Variants in JRK observed in about 807,000 individuals in gnomAD.
The protein encoded by JRK is Jrk helix-turn-helix protein, also known as jerky protein homolog.
For missense variants in JRK, 720 were observed against 509.2 expected (o/e 1.41, Z -3.98); for synonymous variants, 303 against 218.1 (o/e 1.39, Z -3.43).
In JRK at chr8:142,666,445, T is replaced by A; in HGVS notation, c.-387A>T. On this transcript the variant is annotated 5_prime_UTR_variant, in exon 2 of 2. Coordinates refer to ENST00000612905, the MANE Select transcript of JRK (RefSeq NM_003724.4). ...CTCAAACTGACCAGGTTTGGGGTGGTAGAGGTTTTACCGCATAAGCAGCAG... is the reference window on the plus strand; with the variant it reads ...CTCAAACTGACCAGGTTTGGGGTGGAAGAGGTTTTACCGCATAAGCAGCAG... 2.8e-6 allele frequency: 1 copy of A among 357,456 alleles called. No homozygotes were observed. The highest frequency in any genetic ancestry group is 5.6e-6 in the Non-Finnish European group (1 of 178,010). The allele number at this position is 357,456 out of a possible 1,614,324, so 22.1% of individuals were successfully genotyped here.
chr8:142,648,833 C>T, the JRK span, among the ~76,000 whole-genome samples: 1 of 152,188 alleles, frequency 6.6e-6, no homozygotes, highest in African/African-American at 2.4e-5. Context: ...CCTGGAAAAG[C>T]CACAGACACT....
At position 142,665,821 on chromosome 8, in the gene JRK, T is replaced by A. The variant is rs1847105639; in HGVS notation, c.238A>T (p.Thr80Ser). ...TGCTCCAGCTTGGGCGTGTGCAGCG[T>A]GCGCCGCTGCTCCAGCGCCTTGTTG... ...DSNKALEQRR[T>S]LHTPKLEHLD... The change falls in exon 2 of 2, where the codon ACG (threonine) becomes TCG (serine). Residue 80 changes from threonine (T) to serine (S), a missense_variant. Thr to Ser is a moderately conservative substitution (Grantham distance 58, BLOSUM62 1). Transcript: ENST00000612905. The A allele has an allele frequency of 1.3e-6, 1 of 778,996 alleles. No individual in the cohort carries two copies. Among genetic ancestry groups the A allele is most frequent in the Non-Finnish European group, 2.4e-6 (1 of 417,788 alleles). 48.3% of individuals were successfully genotyped at this position (778,996 alleles called of 1,614,324 possible). A position where few individuals can be genotyped will look rare whatever the true frequency, so the allele number is the denominator to read the frequency against.
At position 142,665,899 on chromosome 8, in the gene JRK, C is replaced by T. The variant is rs932028541; in HGVS notation, c.160G>A (p.Asp54Asn). The change falls in exon 2 of 2, where the codon GAC becomes AAC. Residue 54 changes from aspartate to asparagine, a missense_variant. Physicochemically the swap from Asp to Asn is conservative, Grantham distance 23. Transcript: ENST00000612905. ...AGCTGCGCCTTGTGGGCCCTGATGT[C>T]GTAGAGGGTGGACATGCCCACATTG... ...EYNVGMSTLY[D>N]IRAHKAQLLR... 8.9e-6 allele frequency: 7 copies of T among 789,512 alleles called. No individual in the cohort carries two copies. In the Admixed American group the frequency reaches 1.0e-4, roughly 11 times the overall value. The allele number at this position is 789,512 out of a possible 1,614,324, so 48.9% of individuals were successfully genotyped here. A position where few individuals can be genotyped will look rare whatever the true frequency, so the allele number is the denominator to read the frequency against.
chr8:142,649,918 C>T, the JRK span, among the ~76,000 whole-genome samples: 2 of 152,228 alleles, frequency 1.3e-5, no homozygotes, highest in African/African-American at 4.8e-5. Context: ...CAGCTTGCAC[C>T]GTGTGCCTGG....
At position 142,660,104 on chromosome 8, in the gene JRK, G is replaced by C; in HGVS notation, c.*4248C>G. On this transcript the variant is annotated 3_prime_UTR_variant, in exon 2 of 2. Coordinates refer to ENST00000612905, the MANE Select transcript of JRK (RefSeq NM_003724.4). ...ACAGCCAGGCCTGGGGTCTACAAGA[G>C]CTGGGCAGGGAAGAGGACAAACAAG... 1 of 985,632 alleles carries C rather than the reference G, an allele frequency of 1.0e-6. No individual in the cohort carries two copies. Among genetic ancestry groups the C allele is most frequent in the Non-Finnish European group, 1.2e-6 (1 of 830,056 alleles). The allele number at this position is 985,632 out of a possible 1,614,324, so 61.1% of individuals were successfully genotyped here. A position where few individuals can be genotyped will look rare whatever the true frequency, so the allele number is the denominator to read the frequency against.
chr8:142,651,770 T>G, the JRK span, among the ~76,000 whole-genome samples: 1 of 152,104 alleles, frequency 6.6e-6, no homozygotes, highest in African/African-American at 2.4e-5. Flanking sequence ...TAAGCAGAAA[T>G]TAAGACCAGC....
rs781865813 is a variant in JRK at position 142,665,837 on chromosome 8, C to T, written c.222G>A (p.Ala74=). The part of the protein sequence containing the change: ...RFFASSDSNK[A]LEQRRTLHTP... The stretch of plus-strand genomic sequence containing the variant: ...TGTGCAGCGTGCGCCGCTGCTCCAG[C>T]GCCTTGTTGGAGTCGGAGCTGGCGA... The change falls in exon 2 of 2, where the codon GCG becomes GCA. Residue 74 remains alanine, a synonymous_variant. Transcript: ENST00000612905. The T allele has an allele frequency of 9.0e-6, 7 of 779,356 alleles. No individual in the cohort carries two copies. Among genetic ancestry groups the T allele is most frequent in the East Asian group, 2.4e-5 (1 of 41,236 alleles). 48.3% of individuals were successfully genotyped at this position (779,356 alleles called of 1,614,324 possible).
At position 142,662,626 on chromosome 8, in the gene JRK, C is replaced by T; in HGVS notation, c.*1726G>A. 10 of 985,254 alleles carry T rather than the reference C, an allele frequency of 1.0e-5. No homozygotes were observed. The highest frequency in any genetic ancestry group is 1.2e-5 in the Non-Finnish European group (10 of 829,904). 61.0% of individuals were successfully genotyped at this position (985,254 alleles called of 1,614,324 possible). ...TCACACATGCATTCAAAGCAAGAAA[C>T]ACACACTTCCAGGACATAGATAGGG... On this transcript the variant is annotated 3_prime_UTR_variant, in exon 2 of 2. Coordinates refer to ENST00000612905, the MANE Select transcript of JRK (RefSeq NM_003724.4).
downstream of JRK, among the ~76,000 whole-genome samples, chr8:142,656,238 A>G (rs1846748695): frequency 6.6e-6 from 1 of 152,010 alleles, no homozygotes; most frequent in South Asian, 2.1e-4. Context: ...ATCTCAGACT[A>G]TTTTCCTACT....
chr8:142,646,184 A>C, the JRK span, among the ~76,000 whole-genome samples: 1 of 152,216 alleles, frequency 6.6e-6, no homozygotes, highest in Non-Finnish European at 1.5e-5. Flanking sequence ...TCATCATTTA[A>C]AGTTACAGAA....
In JRK at chr8:142,662,274, G is replaced by C; in HGVS notation, c.*2078C>G. ...CAAGCCATGTCCAGAGGACTCAGGA[G>C]AGCCAGCCAGGAGCTCGGCCAGCTG... is the stretch of plus-strand genomic sequence containing the variant. On this transcript the variant is annotated 3_prime_UTR_variant, in exon 2 of 2. Coordinates refer to ENST00000612905, the MANE Select transcript of JRK (RefSeq NM_003724.4). 3 of 985,706 alleles carry C rather than the reference G, an allele frequency of 3.0e-6. No homozygotes were observed. The highest frequency in any genetic ancestry group is 3.6e-6 in the Non-Finnish European group (3 of 830,148). The allele number at this position is 985,706 out of a possible 1,614,324, so 61.1% of individuals were successfully genotyped here.
Position 142,662,034 on chromosome 8 carries a change from C to G in JRK, c.*2318G>C, listed in dbSNP as rs923207150. 1.2e-5 allele frequency: 12 copies of G among 985,322 alleles called. No homozygotes were observed. The highest frequency in any genetic ancestry group is 1.4e-5 in the Non-Finnish European group (12 of 830,004). The allele number at this position is 985,322 out of a possible 1,614,324, so 61.0% of individuals were successfully genotyped here. A position where few individuals can be genotyped will look rare whatever the true frequency, so the allele number is the denominator to read the frequency against. ...GAGGGGCTGCAGGAGGAGCAGGGCC[C>G]GAGTCCCCTGGGTGGCACAAGGGAT... On this transcript the variant is annotated 3_prime_UTR_variant, in exon 2 of 2. Transcript: ENST00000612905.
intron 1 of JRK, among the ~76,000 whole-genome samples, chr8:142,667,813 G>A (rs1034788734): frequency 4.6e-5 from 7 of 152,140 alleles, no homozygotes; most frequent in African/African-American, 1.4e-4. Flanking sequence ...GACAATGCGG[G>A]TCATTCTCAT....
rs4736362 is a variant in JRK at position 142,659,969 on chromosome 8, A to G, written c.*4383T>C. 650,785 of 985,282 alleles carry G rather than the reference A, an allele frequency of 0.66. 218,197 individuals are homozygous for G. The highest frequency in any genetic ancestry group is 0.69 in the Admixed American group (11,246 of 16,260). 61.0% of individuals were successfully genotyped at this position (985,282 alleles called of 1,614,324 possible). A position where few individuals can be genotyped will look rare whatever the true frequency, so the allele number is the denominator to read the frequency against. On this transcript the variant is annotated 3_prime_UTR_variant, in exon 2 of 2. Transcript: ENST00000612905. Reference sequence around the variant, plus strand: ...GGTCTGAGGGTCCATGTGTAGAAGCAGAGGCCAGAGCTGACACCACATGGG... The same window carrying G: ...GGTCTGAGGGTCCATGTGTAGAAGCGGAGGCCAGAGCTGACACCACATGGG...
the JRK span, among the ~76,000 whole-genome samples, chr8:142,644,360 A>G: frequency 6.6e-6 from 1 of 152,146 alleles, no homozygotes; most frequent in South Asian, 2.1e-4. Context: ...TATTACTGAT[A>G]ATGTACACTA....
rs1846846073 is a variant in JRK at position 142,659,498 on chromosome 8, C to T, written c.*4854G>A. On this transcript the variant is annotated 3_prime_UTR_variant, in exon 2 of 2. Coordinates refer to ENST00000612905, the MANE Select transcript of JRK (RefSeq NM_003724.4). ...AATGGCCGTGCTGACAGGCTCTCTG[C>T]GATAGGGCCCAGCCATGGCCAGTGG... The T allele has an allele frequency of 7.1e-6, 7 of 986,224 alleles. No homozygotes were observed. Among genetic ancestry groups the T allele is most frequent in the South Asian group, 9.4e-5 (2 of 21,332 alleles). 61.1% of individuals were successfully genotyped at this position (986,224 alleles called of 1,614,324 possible). A position where few individuals can be genotyped will look rare whatever the true frequency, so the allele number is the denominator to read the frequency against.
the JRK span, among the ~76,000 whole-genome samples, chr8:142,647,689 G>T: frequency 6.6e-6 from 1 of 152,162 alleles, no homozygotes; most frequent in African/African-American, 2.4e-5. Flanking sequence ...TGCCCAGTCT[G>T]GGGTATGTCT....
chr8:142,661,678 C>G lies in JRK; in HGVS notation c.*2674G>C, dbSNP rs1320273666. On this transcript the variant is annotated 3_prime_UTR_variant, in exon 2 of 2. Coordinates refer to ENST00000612905, the MANE Select transcript of JRK (RefSeq NM_003724.4). ...CTTTCTCGCTCTGCTCTGGCAAGCT[C>G]CAGGGCTTCCCAGGGGCCTCAGCAG... The G allele has an allele frequency of 3.0e-6, 3 of 985,370 alleles. No homozygotes were observed. The highest frequency in any genetic ancestry group is 1.7e-5 in the African/African-American group (1 of 57,220). The allele number at this position is 985,370 out of a possible 1,614,324, so 61.0% of individuals were successfully genotyped here.
In JRK at chr8:142,664,957, A is replaced by C. The variant is rs368940077; in HGVS notation, c.1102T>G (p.Cys368Gly). ...TGGCTAGGGACTGCGTTCCAGGCAC[A>C]GGCCACGCTGAATATGGCATCGTTC... ...NMNDAIFSVA[C>G]AWNAVPSHVF... Residue 368 changes from cysteine (C) to glycine (G), a missense_variant, in exon 2 of 2, where the codon TGT becomes GGT. Transcript: ENST00000612905. The C allele has an allele frequency of 9.1e-6, 7 of 767,522 alleles. No individual in the cohort carries two copies. Among genetic ancestry groups the C allele is most frequent in the Non-Finnish European group, 1.7e-5 (7 of 422,164 alleles). 47.5% of individuals were successfully genotyped at this position (767,522 alleles called of 1,614,324 possible).
Sources: gnomAD v4.1 joint callset for allele counts (sites outside exome capture counted in the v4.1 genomes callset) on GRCh38, gnomAD v4.1.1 for gene constraint, MANE v1.5 for transcripts, NCBI Gene and HGNC (gene_info 2026-07-23, HGNC 2026-07-21) for gene names.